Variants in NFATC1 observed in about 807,000 individuals in gnomAD.
NFATC1 encodes the protein nuclear factor of activated T-cells, cytoplasmic 1.
A neutral mutation model predicts 76.0 loss-of-function variants in NFATC1; 22 were observed. The observed-to-expected ratio is 0.29, with a 90% CI of 0.21 to 0.41. The LOEUF is 0.41. Ranked by LOEUF, NFATC1 falls within the 10% of genes least tolerant of loss-of-function variation. The pLI is 1.00. For missense variants in NFATC1, 1,357 were observed against 1,337.7 expected, an observed-to-expected ratio of 1.01 and a Z score of -0.23; for synonymous variants, 704 against 613.1, an observed-to-expected ratio of 1.15 and a Z score of -2.19.
chr18:79,451,229 G>A, intron 5 of NFATC1, 103 bp downstream of exon 5: 2 of 1,381,890 alleles, frequency 1.4e-6, no homozygotes, highest in Non-Finnish European at 2.0e-6. Context: ...ACTTGGGACT[G>A]AACGGTTCCC....
chr18:79,471,760 C>A (rs1007423294), intron 8 of NFATC1, among the ~76,000 whole-genome samples: 1 of 152,256 alleles, frequency 6.6e-6, no homozygotes, highest in African/African-American at 2.4e-5. Context: ...GCTTTGACCA[C>A]AGAACGTGAC....
In NFATC1 at chr18:79,490,687, C is replaced by T. The variant is rs143457971; in HGVS notation, c.2782+3750C>T. Among the ~76,000 whole-genome samples the T allele has an allele frequency of 1.9e-3, 294 of 152,292 alleles. 1 individual carries two copies. The highest frequency in any genetic ancestry group is 6.7e-3 in the African/African-American group (279 of 41,548). ...ATGACACGGGCCGAGCCGTTTCCCGCGTCCTGGGTGGATGGAGCCGTAGAT... is the reference window on the plus strand; with the variant it reads ...ATGACACGGGCCGAGCCGTTTCCCGTGTCCTGGGTGGATGGAGCCGTAGAT... On this transcript the variant is annotated intron_variant, in intron 9 of 9. Transcript: ENST00000427363.
intron 3 of NFATC1, among the ~76,000 whole-genome samples, chr18:79,440,255 G>A (rs991271613): frequency 1.5e-4 from 23 of 152,236 alleles, no homozygotes; most frequent in African/African-American, 4.8e-4. Context: ...TGGCACGGCC[G>A]TTGCTAGTGA....
intron 1 of NFATC1, among the ~76,000 whole-genome samples, chr18:79,399,969 TAA>T (rs138345861): frequency 0.11 from 16,291 of 149,076 alleles, 935 homozygotes; most frequent in Middle Eastern, 0.25. Flanking sequence ...AAAACTTCTT[TAA>T]AAAAAAAACT....
intron 8 of NFATC1, among the ~76,000 whole-genome samples, chr18:79,471,685 G>A (rs550647973): frequency 2.6e-5 from 4 of 152,280 alleles, no homozygotes; most frequent in Admixed American, 6.5e-5. Context: ...CAGGGGACAC[G>A]CGGTCCAGCT....
intron 9 of NFATC1, among the ~76,000 whole-genome samples, chr18:79,509,865 G>A (rs2090202439): frequency 6.6e-6 from 1 of 152,218 alleles, no homozygotes. Context: ...CTCGGTGTTT[G>A]GAAATGGACC....
intron 9 of NFATC1, among the ~76,000 whole-genome samples, chr18:79,509,432 G>A (rs1276409445): frequency 1.3e-5 from 2 of 152,228 alleles, no homozygotes; most frequent in Admixed American, 1.3e-4. Context: ...AGTGGGCGGC[G>A]AGGGGGTTGG....
intron 6 of NFATC1, among the ~76,000 whole-genome samples, chr18:79,458,512 C>T (rs2087869911): frequency 6.6e-6 from 1 of 152,194 alleles, no homozygotes; most frequent in South Asian, 2.1e-4. Flanking sequence ...CTGGGAGGCT[C>T]CTGGGCCCGC....
intron 2 of NFATC1, chr18:79,422,318 A>ACT (rs1377140629): frequency 6.6e-6 from 1 of 152,218 alleles, no homozygotes; most frequent in Non-Finnish European, 1.5e-5. Context: ...GAGGCCCCCC[A>ACT]CTGCCAAAAC....
At chr18:79,413,536 G>A (rs1421165285) in intron 2 of NFATC1, among the ~76,000 whole-genome samples, 1 of 152,190 alleles carries the variant, frequency 6.6e-6, no homozygotes, top group Non-Finnish European at 1.5e-5. Flanking sequence ...CTGGGTTGGG[G>A]CCACCCTGGT....
In NFATC1 at chr18:79,420,322, G is replaced by C. The variant is rs573300517; in HGVS notation, c.1226+8821G>C. ...AGAGGGGGACGCGTTTCCAGGCGACGTCGCTGCAGAGAGGAAGAGGGGGAC... is the reference window on the plus strand; with the variant it reads ...AGAGGGGGACGCGTTTCCAGGCGACCTCGCTGCAGAGAGGAAGAGGGGGAC... On this transcript the variant is annotated intron_variant, in intron 2 of 9. Transcript: ENST00000427363. 6.5e-5 allele frequency among the ~76,000 whole-genome samples: 9 copies of C among 139,202 alleles called. 1 individual carries two copies. The South Asian group carries it at 2.1e-3, about 33-fold the overall frequency. The allele number at this position is 139,202 out of a possible 152,430, so 91.3% of individuals were successfully genotyped here.
chr18:79,442,281 G>A (rs1053715803), intron 3 of NFATC1, among the ~76,000 whole-genome samples: 4 of 152,356 alleles, frequency 2.6e-5, no homozygotes, highest in East Asian at 1.9e-4. Flanking sequence ...AGGTGTGGCC[G>A]GGCGGCCTTT....
At chr18:79,421,534 C>T (rs1023795993) in intron 2 of NFATC1, 3 of 152,570 alleles carry the variant, frequency 2.0e-5, no homozygotes, top group African/African-American at 7.2e-5. Flanking sequence ...AGGGATCAGC[C>T]TCTTTTTGTG....
intron 1 of NFATC1, chr18:79,400,254 C>A: frequency 9.5e-7 from 1 of 1,056,170 alleles, no homozygotes; most frequent in Non-Finnish European, 1.1e-6. Context: ...CGGAAACGCC[C>A]CGGGGGGCGG....
chr18:79,428,133 C>G lies in NFATC1; in HGVS notation c.1227-5446C>G, dbSNP rs149734457. ...TTGGGGGGGCCTGGACGTCTGGCTT[C>G]TGTGCGGTGCGGGGGCCGGCCTCGG... On this transcript the variant is annotated intron_variant, in intron 2 of 9. Transcript: ENST00000427363. Among the ~76,000 whole-genome samples, 223 of 152,020 alleles carry G rather than the reference C, an allele frequency of 1.5e-3. 1 individual carries two copies. Among genetic ancestry groups the G allele is most frequent in the Non-Finnish European group, 2.5e-3 (172 of 67,940 alleles).
chr18:79,409,603 C>T (rs367570161), intron 1 of NFATC1, among the ~76,000 whole-genome samples: 4 of 152,188 alleles, frequency 2.6e-5, no homozygotes, highest in Non-Finnish European at 5.9e-5. Flanking sequence ...CCATCACCAT[C>T]CATCTACCTA....
chr18:79,516,544 C>T (rs2090389417), intron 9 of NFATC1, among the ~76,000 whole-genome samples: 1 of 152,170 alleles, frequency 6.6e-6, no homozygotes, highest in Non-Finnish European at 1.5e-5. Flanking sequence ...CGTTTCTCAG[C>T]CGAGCGCCGG....
intron 2 of NFATC1, among the ~76,000 whole-genome samples, chr18:79,412,324 C>T (rs1029419713): frequency 1.3e-5 from 2 of 152,152 alleles, no homozygotes; most frequent in African/African-American, 2.4e-5. Context: ...TGCAGGAGGT[C>T]GAGGGCAGTG....
chr18:79,518,058 G>A (rs562129514), intron 9 of NFATC1, among the ~76,000 whole-genome samples: 3 of 152,334 alleles, frequency 2.0e-5, no homozygotes, highest in East Asian at 3.9e-4. Context: ...ACTGCACGCA[G>A]CCTGAGGGCG....
Sources: gnomAD v4.1 joint callset for allele counts (sites outside exome capture counted in the v4.1 genomes callset) on GRCh38, gnomAD v4.1.1 for gene constraint, MANE v1.5 for transcripts, NCBI Gene and HGNC (gene_info 2026-07-23, HGNC 2026-07-21) for gene names.